DAB2IP: variants seen among roughly 807,000 people sequenced by gnomAD.
The protein encoded by DAB2IP is disabled homolog 2-interacting protein.
DAB2IP carries 28 observed loss-of-function variants against 107.2 expected under a neutral mutation model. The observed-to-expected ratio is 0.26, with a 90% CI of 0.19 to 0.36. The LOEUF (loss-of-function observed/expected upper bound fraction) is 0.36, where lower values mean the gene tolerates loss of function less well. Among genes scored for constraint, DAB2IP ranks in the 10% least tolerant of loss-of-function variants. The pLI is 1.00. For synonymous variants in DAB2IP, 755 were observed against 706.4 expected, an observed-to-expected ratio of 1.07 and a Z score of -1.09; for missense variants, 1,400 against 1,644.7, an observed-to-expected ratio of 0.85 and a Z score of 2.57.
intron 1 of DAB2IP, among the ~76,000 whole-genome samples, chr9:121,625,414 T>C (rs1476935316): frequency 6.6e-6 from 1 of 152,016 alleles, no homozygotes; most frequent in Non-Finnish European, 1.5e-5. Flanking sequence ...AACTCTTTTT[T>C]TTTTTAAATT....
chr9:121,744,978 C>T (rs1328177783), intron 3 of DAB2IP, among the ~76,000 whole-genome samples: 1 of 152,084 alleles, frequency 6.6e-6, no homozygotes, highest in African/African-American at 2.4e-5. Context: ...TGGGTTGGGA[C>T]CTGGAAACGT....
intron 3 of DAB2IP, among the ~76,000 whole-genome samples, chr9:121,733,673 G>C (rs893742620): frequency 6.6e-6 from 1 of 152,220 alleles, no homozygotes; most frequent in Admixed American, 6.5e-5. Context: ...GGCAGAGAAA[G>C]GGAGAGATTG....
chr9:121,689,531 A>G (rs1314776395), intron 2 of DAB2IP, among the ~76,000 whole-genome samples: 1 of 97,382 alleles, frequency 1.0e-5, no homozygotes, highest in South Asian at 3.5e-4. Flanking sequence ...ACTAGTGTTT[A>G]CTGGTCCTCA....
In DAB2IP at chr9:121,729,785, A is replaced by G. The variant is rs977681628; in HGVS notation, c.363-27228A>G. Among the ~76,000 whole-genome samples the G allele has an allele frequency of 2.6e-5, 4 of 152,188 alleles. No individual in the cohort carries two copies. In the East Asian group the frequency reaches 7.7e-4, roughly 29 times the overall value. On this transcript the variant is annotated intron_variant, in intron 3 of 15. Coordinates refer to ENST00000408936, the Ensembl canonical transcript of DAB2IP. The stretch of plus-strand genomic sequence containing the variant: ...GTTTAAAATCATTCACCAACACTAG[A>G]ACATTTACCTTAAACATTCACCTGA...
At chr9:121,780,001 A>G (rs1180764967) in intron 14 of DAB2IP, among the ~76,000 whole-genome samples, 1 of 152,118 alleles carries the variant, frequency 6.6e-6, no homozygotes, top group African/African-American at 2.4e-5. Context: ...TCTCCTAGAA[A>G]TTATTGTACT....
chr9:121,645,346 G>C (rs1255552892), intron 1 of DAB2IP, among the ~76,000 whole-genome samples: 2 of 152,184 alleles, frequency 1.3e-5, no homozygotes, highest in African/African-American at 4.8e-5. Context: ...TCTCCCCTGG[G>C]CCACAGGATT....
rs1167930700 is a variant in DAB2IP, at chr9:121,684,590, A to AGCTGTAG, written c.228+5809_228+5810insGCTGTAG. ...CCAGCCCCAGCTGTAGAGGGACCCG[A>AGCTGTAG]AGTTTGGGCTGCGGGCTGCCTGAAG... On this transcript the variant is annotated intron_variant, in intron 2 of 15. Transcript: ENST00000408936. The surrounding 1 kb of genome is among the most constrained non-coding windows in gnomAD (Gnocchi z 4.0). Among the ~76,000 whole-genome samples, 15 of 152,232 alleles carry AGCTGTAG rather than the reference A, an allele frequency of 9.9e-5. No individual in the cohort carries two copies. The highest frequency in any genetic ancestry group is 8.3e-4 in the South Asian group (4 of 4,818).
exon 7 of DAB2IP, chr9:121,763,574 G>C: frequency 6.2e-7 from 1 of 1,613,930 alleles, no homozygotes. Flanking sequence ...CATCTTCCGG[G>C]AGAACACACT....
Position 121,702,514 on chromosome 9 carries a change from C to T in DAB2IP, c.362+3056C>T, listed in dbSNP as rs1157946121. ...CTCTGGGTCCCTCAGACACTCATTT[C>T]TTCTTCAGAAGCTTTGGCAGTAAGC... On this transcript the variant is annotated intron_variant, in intron 3 of 15. Transcript: ENST00000408936. This position sits in a 1 kb window ranked among gnomAD's most constrained non-coding sequence, Gnocchi z 4.5. Among the ~76,000 whole-genome samples the T allele has an allele frequency of 6.6e-6, 1 of 152,178 alleles. No homozygotes were observed. The highest frequency in any genetic ancestry group is 1.5e-5 in the Non-Finnish European group (1 of 68,040).
intron 1 of DAB2IP, among the ~76,000 whole-genome samples, chr9:121,570,303 A>G (rs1446272309): frequency 6.8e-6 from 1 of 148,070 alleles, no homozygotes; most frequent in East Asian, 2.0e-4. Flanking sequence ...TGGTAGAGAC[A>G]GGTTTTCGCC....
At chr9:121,722,825 A>T (rs924161697) in intron 3 of DAB2IP, among the ~76,000 whole-genome samples, 14 of 152,174 alleles carry the variant, frequency 9.2e-5, no homozygotes, top group Non-Finnish European at 1.8e-4. Flanking sequence ...AAGATAAGTT[A>T]AAAAAATTGC....
intron 3 of DAB2IP, among the ~76,000 whole-genome samples, chr9:121,713,767 T>G (rs1227249897): frequency 6.6e-6 from 1 of 152,112 alleles, no homozygotes; most frequent in Non-Finnish European, 1.5e-5. Context: ...AGGCCAACTG[T>G]TTTATATCTC....
intron 1 of DAB2IP, among the ~76,000 whole-genome samples, chr9:121,616,144 C>T (rs1831267765): frequency 6.6e-6 from 1 of 152,172 alleles, no homozygotes; most frequent in African/African-American, 2.4e-5. Flanking sequence ...TCCTCCCACC[C>T]TGATCCCTGG....
intron 3 of DAB2IP, among the ~76,000 whole-genome samples, chr9:121,728,645 T>G (rs1831362295): frequency 6.6e-6 from 1 of 152,110 alleles, no homozygotes; most frequent in African/African-American, 2.4e-5. Flanking sequence ...GTGCCCAACT[T>G]AAGAGGAGCC....
intron 3 of DAB2IP, among the ~76,000 whole-genome samples, chr9:121,748,660 G>C (rs534186588): frequency 2.6e-5 from 4 of 152,352 alleles, no homozygotes; most frequent in Admixed American, 1.3e-4. Flanking sequence ...GAGAACACCT[G>C]CAACTGGCAC....
intron 1 of DAB2IP, among the ~76,000 whole-genome samples, chr9:121,669,859 C>T (rs1255886057): frequency 2.6e-5 from 4 of 152,152 alleles, no homozygotes; most frequent in African/African-American, 4.8e-5. Context: ...AGGAGAATAA[C>T]GTGGTATAGC....
At chr9:121,703,598 A>G (rs1421612243) in intron 3 of DAB2IP, among the ~76,000 whole-genome samples, 1 of 152,228 alleles carries the variant, frequency 6.6e-6, no homozygotes, top group Non-Finnish European at 1.5e-5. Flanking sequence ...ATTAACATTA[A>G]TACATTTAGC....
chr9:121,634,792 A>G lies in DAB2IP; in HGVS notation c.41-43886A>G, dbSNP rs553662966. ...ATAGGAGAAGGCAGTGGACAGCCCCATTGGTCCTGCCCCCACCCCAGCCAC... is the reference window on the plus strand; with the variant it reads ...ATAGGAGAAGGCAGTGGACAGCCCCGTTGGTCCTGCCCCCACCCCAGCCAC... On this transcript the variant is annotated intron_variant, in intron 1 of 16. Coordinates refer to the DAB2IP transcript ENST00000259371. The surrounding 1 kb of genome is among the most constrained non-coding windows in gnomAD (Gnocchi z 4.7). Among the ~76,000 whole-genome samples the G allele has an allele frequency of 6.6e-6, 1 of 152,148 alleles. No individual in the cohort carries two copies. Among genetic ancestry groups the G allele is most frequent in the East Asian group, 1.9e-4 (1 of 5,164 alleles).
intron 3 of DAB2IP, among the ~76,000 whole-genome samples, chr9:121,713,514 CTTG>C (rs1182267043): frequency 6.6e-6 from 1 of 152,170 alleles, no homozygotes; most frequent in East Asian, 1.9e-4. Flanking sequence ...CTCCTGCCCT[CTTG>C]TTGTAGGGTG....
Sources: gnomAD v4.1 joint callset for allele counts (sites outside exome capture counted in the v4.1 genomes callset) on GRCh38, gnomAD v4.1.1 for gene constraint, Gnocchi (gnomAD v3.1) non-coding constraint, MANE v1.5 for transcripts, NCBI Gene and HGNC (gene_info 2026-07-23, HGNC 2026-07-21) for gene names.